CPS1: variants seen among roughly 807,000 people sequenced by gnomAD.
CPS1 encodes carbamoyl-phosphate synthase [ammonia], mitochondrial.
In CPS1, 109 loss-of-function variants were observed where a neutral mutation model predicts 174.6. The observed-to-expected ratio is 0.62, with a 90% confidence interval of 0.53 to 0.73. The LOEUF (loss-of-function observed/expected upper bound fraction) is 0.73, where lower values mean the gene tolerates loss of function less well. CPS1 is among the 30% of genes least tolerant of loss of function. The pLI, the probability that CPS1 is intolerant of heterozygous loss-of-function variation, is 0.00. For missense variants in CPS1, 1,689 were observed against 1,821.9 expected, an observed-to-expected ratio of 0.93 and a Z score of 1.33; for synonymous variants, 637 against 632.0, an observed-to-expected ratio of 1.01 and a Z score of -0.12.
intron 17 of CPS1, among the ~76,000 whole-genome samples, chr2:210,605,651 A>G (rs1698882296): frequency 6.6e-6 from 1 of 151,954 alleles, no homozygotes; most frequent in South Asian, 2.1e-4. Context: ...TAGTTAGATA[A>G]GAGGGCAAAG....
intron 1 of CPS1, among the ~76,000 whole-genome samples, chr2:210,565,356 A>G (rs982261718): frequency 6.6e-6 from 1 of 152,154 alleles, no homozygotes; most frequent in Non-Finnish European, 1.5e-5. Context: ...TTATAACCTG[A>G]TTGGCTCCCA....
chr2:210,672,205 G>A (rs1200743130), intron 34 of CPS1: 1 of 152,158 alleles, frequency 6.6e-6, no homozygotes, highest in Non-Finnish European at 1.5e-5. Flanking sequence ...CTACTTGAGC[G>A]ATGGTACTTT....
intron 1 of CPS1, among the ~76,000 whole-genome samples, chr2:210,545,815 C>A (rs1696549762): frequency 6.6e-6 from 1 of 151,916 alleles, no homozygotes; most frequent in Non-Finnish European, 1.5e-5. Flanking sequence ...AAGTGTAATT[C>A]TTTTTGTTCT....
chr2:210,511,946 A>T (rs572746245), intron 1 of CPS1, among the ~76,000 whole-genome samples: 31 of 152,098 alleles, frequency 2.0e-4, no homozygotes. Flanking sequence ...CTTATTCTAC[A>T]TGAGTCATTG....
At position 210,677,748 on chromosome 2, in the gene CPS1, A is replaced by G. The variant is rs979195280; in HGVS notation, c.4405-139A>G. The G allele has an allele frequency of 7.7e-6, 6 of 780,646 alleles. No individual in the cohort carries two copies. In the East Asian group the frequency reaches 1.5e-4, roughly 19 times the overall value. 48.4% of individuals were successfully genotyped at this position (780,646 alleles called of 1,614,324 possible). ...GTCTGAGACATGGGAGAAAGTCTCC[A>G]TTACATAAAAAACTTTTATGCCTTT... On this transcript the variant is annotated intron_variant, in intron 37 of 37. Transcript: ENST00000233072.
At chr2:210,488,997 A>T (rs1694795924) in intron 1 of CPS1, among the ~76,000 whole-genome samples, 1 of 152,180 alleles carries the variant, frequency 6.6e-6, no homozygotes, top group Non-Finnish European at 1.5e-5. Context: ...AATCTTGGAA[A>T]TTAGAGGTAC....
chr2:210,560,726 A>G (rs1419940008), intron 1 of CPS1, among the ~76,000 whole-genome samples: 1 of 152,188 alleles, frequency 6.6e-6, no homozygotes, highest in Non-Finnish European at 1.5e-5. Flanking sequence ...GCAACTATAA[A>G]AACTCCTACA....
intron 21 of CPS1, among the ~76,000 whole-genome samples, chr2:210,625,362 T>G (rs911472553): frequency 6.6e-6 from 1 of 152,068 alleles, no homozygotes; most frequent in Non-Finnish European, 1.5e-5. Flanking sequence ...AATGGACATG[T>G]GAGAAGCAGA....
At chr2:210,606,202 T>C (rs1698901844) in intron 17 of CPS1, among the ~76,000 whole-genome samples, 1 of 151,854 alleles carries the variant, frequency 6.6e-6, no homozygotes, top group African/African-American at 2.4e-5. Flanking sequence ...TTCAAGAAGC[T>C]CATTCATGTA....
At chr2:210,669,157 G>T (rs889757997) in intron 34 of CPS1, among the ~76,000 whole-genome samples, 1 of 152,058 alleles carries the variant, frequency 6.6e-6, no homozygotes, top group Admixed American at 6.6e-5. Context: ...TCAATTTATT[G>T]ATGTAAGTTA....
At chr2:210,593,318 G>A in intron 11 of CPS1, 2 of 1,130,196 alleles carry the variant, frequency 1.8e-6, no homozygotes, top group East Asian at 6.2e-5. Context: ...TCCCCCATCT[G>A]TGACTTCACA....
chr2:210,555,913 G>A (rs1247809330), upstream of CPS1, among the ~76,000 whole-genome samples: 2 of 152,024 alleles, frequency 1.3e-5, no homozygotes, highest in African/African-American at 4.8e-5. Flanking sequence ...CTTAGGAATA[G>A]TGCTTATATT....
At chr2:210,625,785 CA>C (rs1364387775) in intron 21 of CPS1, among the ~76,000 whole-genome samples, 2 of 152,166 alleles carry the variant, frequency 1.3e-5, no homozygotes, top group African/African-American at 2.4e-5. Flanking sequence ...GGTCCAAACA[CA>C]TAGTGAGAAA....
At chr2:210,677,426 A>G (rs1701570357) in intron 37 of CPS1, among the ~76,000 whole-genome samples, 2 of 152,258 alleles carry the variant, frequency 1.3e-5, no homozygotes, top group Admixed American at 1.3e-4. Context: ...TAAAGATACA[A>G]ACTTTTATTT....
At chr2:210,588,684 C>T (rs1019080878) in intron 7 of CPS1, among the ~76,000 whole-genome samples, 17 of 151,970 alleles carry the variant, frequency 1.1e-4, no homozygotes, top group African/African-American at 3.9e-4. Context: ...TTTCCTTCTC[C>T]TCACTCCTCT....
upstream of CPS1, among the ~76,000 whole-genome samples, chr2:210,554,265 A>ATG (rs1472423599): frequency 6.7e-6 from 1 of 148,916 alleles, no homozygotes; most frequent in Non-Finnish European, 1.5e-5. Context: ...ACATATATAT[A>ATG]TGTATGTATA....
intron 13 of CPS1, among the ~76,000 whole-genome samples, chr2:210,597,002 T>C (rs1289379891): frequency 6.6e-6 from 1 of 151,884 alleles, no homozygotes; most frequent in Non-Finnish European, 1.5e-5. Context: ...AAATTAAGAT[T>C]GCAATAAGGT....
chr2:210,578,828 A>G (rs995415207), intron 4 of CPS1, among the ~76,000 whole-genome samples: 4 of 152,138 alleles, frequency 2.6e-5, no homozygotes, highest in Non-Finnish European at 5.9e-5. Context: ...CCAGCCCCCA[A>G]CAACCCAAGC....
chr2:210,546,338 GAAGCAAACAAAAGCCTA>G (rs1696564707), intron 1 of CPS1, among the ~76,000 whole-genome samples: 1 of 152,100 alleles, frequency 6.6e-6, no homozygotes, highest in Non-Finnish European at 1.5e-5. Context: ...CAACGTGAAT[GAAGCAAACAAAAGCCTA>G]AAGCTTTAGA....
Sources: allele counts gnomAD v4.1 joint callset (sites outside exome capture counted in the v4.1 genomes callset), GRCh38; gene constraint gnomAD v4.1.1; transcripts MANE v1.5; gene names NCBI Gene and HGNC (gene_info 2026-07-23, HGNC 2026-07-21).